The following ADAMTS3 variants were observed in gnomAD, a reference collection of about 807,000 sequenced individuals.
ADAMTS3 encodes the protein A disintegrin and metalloproteinase with thrombospondin motifs 3.
Under a neutral mutation model 129.0 loss-of-function variants are expected in ADAMTS3, and 73 were observed. The ratio of observed to expected loss-of-function variants is 0.57; its 90% CI spans 0.47 to 0.69. The LOEUF (loss-of-function observed/expected upper bound fraction) is 0.69, where lower values mean the gene tolerates loss of function less well. Ranked by LOEUF, ADAMTS3 falls within the 30% of genes least tolerant of loss-of-function variation. ADAMTS3 has a pLI of 0.00. For missense variants in ADAMTS3, 1,457 were observed against 1,514.5 expected (o/e 0.96, Z 0.63); for synonymous variants, 477 against 510.8 (o/e 0.93, Z 0.89).
At chr4:72,298,777 G>A (rs986404420) in intron 17 of ADAMTS3, among the ~76,000 whole-genome samples, 2 of 151,264 alleles carry the variant, frequency 1.3e-5, no homozygotes, top group Admixed American at 1.3e-4. Context: ...ACTTTTAAGT[G>A]TAAAGAATTA....
chr4:72,479,967 G>C (rs1368604761), intron 3 of ADAMTS3, among the ~76,000 whole-genome samples: 2 of 152,120 alleles, frequency 1.3e-5, no homozygotes, highest in Non-Finnish European at 2.9e-5. Flanking sequence ...CTGGCCATCA[G>C]AGAAATGCAA....
intron 3 of ADAMTS3, among the ~76,000 whole-genome samples, chr4:72,424,390 C>A (rs73827093): frequency 6.6e-6 from 1 of 151,912 alleles, no homozygotes; most frequent in African/African-American, 2.4e-5. Context: ...AAAATACAGG[C>A]GGCAAAAAAT....
chr4:72,286,904 GGAGAAA>G (rs1718520320), intron 21 of ADAMTS3, among the ~76,000 whole-genome samples: 2 of 152,090 alleles, frequency 1.3e-5, no homozygotes, highest in South Asian at 4.2e-4. Flanking sequence ...AAAGATAGGA[GGAGAAA>G]GAGACAGACA....
chr4:72,288,109 A>G (rs1029007383), intron 21 of ADAMTS3, among the ~76,000 whole-genome samples: 1 of 152,110 alleles, frequency 6.6e-6, no homozygotes, highest in African/African-American at 2.4e-5. Flanking sequence ...CAGGTGATTC[A>G]CCCACCTTGG....
intron 3 of ADAMTS3, among the ~76,000 whole-genome samples, chr4:72,506,338 A>G (rs1190689811): frequency 6.6e-6 from 1 of 152,194 alleles, no homozygotes; most frequent in African/African-American, 2.4e-5. Flanking sequence ...GACCAGATCC[A>G]GGTTGTCAAG....
At chr4:72,385,575 C>T (rs1721424943) in intron 4 of ADAMTS3, among the ~76,000 whole-genome samples, 1 of 151,826 alleles carries the variant, frequency 6.6e-6, no homozygotes, top group Non-Finnish European at 1.5e-5. Flanking sequence ...GCTAGCTAGG[C>T]CAAACTATAT....
intron 3 of ADAMTS3, among the ~76,000 whole-genome samples, chr4:72,418,226 C>T (rs1297124417): frequency 6.6e-6 from 1 of 152,018 alleles, no homozygotes; most frequent in South Asian, 2.1e-4. Flanking sequence ...TCTATTTCAA[C>T]TGAAATGTTC....
In ADAMTS3 at chr4:72,283,022, A is replaced by T; in HGVS notation, c.*114T>A. The T allele has an allele frequency of 1.1e-6, 1 of 912,554 alleles. No individual in the cohort carries two copies. Among genetic ancestry groups the T allele is most frequent in the Non-Finnish European group, 1.7e-6 (1 of 603,966 alleles). 56.5% of individuals were successfully genotyped at this position (912,554 alleles called of 1,614,324 possible). A position where few individuals can be genotyped will look rare whatever the true frequency, so the allele number is the denominator to read the frequency against. On this transcript the variant is annotated 3_prime_UTR_variant, in exon 22 of 22. Transcript: ENST00000286657. ...GCACTTTCTGTTCTTCCAATTACAG[A>T]TAAAATGAGCTGACGATCTATAGAG...
intron 18 of ADAMTS3, among the ~76,000 whole-genome samples, chr4:72,297,287 A>G (rs1718834342): frequency 6.6e-6 from 1 of 152,130 alleles, no homozygotes; most frequent in South Asian, 2.1e-4. Flanking sequence ...GACAAATATT[A>G]TGACCAAGTA....
At chr4:72,296,864 C>T (rs1718822567) in intron 18 of ADAMTS3, among the ~76,000 whole-genome samples, 1 of 152,062 alleles carries the variant, frequency 6.6e-6, no homozygotes, top group Non-Finnish European at 1.5e-5. Flanking sequence ...ATGTCTCCAG[C>T]CTCCATCAAT....
rs374979020 is a variant in ADAMTS3 at position 72,295,730 on chromosome 4, G to A, written c.2647C>T (p.Arg883Cys). The A allele has an allele frequency of 7.7e-5, 124 of 1,612,904 alleles. No individual in the cohort carries two copies. The highest frequency in any genetic ancestry group is 2.7e-4 in the Admixed American group (16 of 59,954). ...TTTTTGTTGGCCTCACAGAAGCTGC[G>A]ATGGACCATTTTATTATCACTTTTC... ...RRKSDNKMVH[R>C]SFCEANKKPK... is the part of the protein sequence containing the mutation. Residue 883 changes from arginine to cysteine, a missense_variant, in exon 19 of 22, where the codon CGC (arginine) becomes TGC (cysteine). Arg to Cys is a radical substitution (Grantham distance 180). Transcript: ENST00000286657.
intron 4 of ADAMTS3, among the ~76,000 whole-genome samples, chr4:72,414,135 A>C (rs1009595705): frequency 6.6e-6 from 1 of 151,928 alleles, no homozygotes. Flanking sequence ...GGTTAAAAAA[A>C]AAATAGATTC....
At chr4:72,357,552 T>C (rs1720612073) in intron 4 of ADAMTS3, among the ~76,000 whole-genome samples, 1 of 151,874 alleles carries the variant, frequency 6.6e-6, no homozygotes. Flanking sequence ...ATTTCTATTA[T>C]TTACATATAC....
intron 17 of ADAMTS3, among the ~76,000 whole-genome samples, chr4:72,300,631 T>G (rs1213356212): frequency 6.6e-6 from 1 of 152,126 alleles, no homozygotes; most frequent in African/African-American, 2.4e-5. Context: ...CAAATAGTGC[T>G]AAAACAACTG....
intron 3 of ADAMTS3, among the ~76,000 whole-genome samples, chr4:72,526,733 CATATATAT>C (rs36097990): frequency 0.033 from 3,297 of 98,758 alleles, 65 homozygotes; most frequent in Middle Eastern, 0.063. Flanking sequence ...TATATACATA[CATATATAT>C]ATATATATAT....
intron 21 of ADAMTS3, among the ~76,000 whole-genome samples, chr4:72,285,057 T>C (rs1718466806): frequency 6.6e-6 from 1 of 152,230 alleles, no homozygotes; most frequent in South Asian, 2.1e-4. Flanking sequence ...CAGCCTATTA[T>C]TGGGTAATAC....
chr4:72,341,761 A>C (rs575368927), intron 4 of ADAMTS3, among the ~76,000 whole-genome samples: 1 of 152,314 alleles, frequency 6.6e-6, no homozygotes, highest in Non-Finnish European at 1.5e-5. Context: ...AGCCTCTTTA[A>C]ATAGGTAGTT....
intron 4 of ADAMTS3, among the ~76,000 whole-genome samples, chr4:72,405,780 A>G (rs886733196): frequency 2.0e-5 from 3 of 152,166 alleles, no homozygotes; most frequent in African/African-American, 7.2e-5. Context: ...TTCAAGGCCA[A>G]GTCTCAGATG....
intron 5 of ADAMTS3, among the ~76,000 whole-genome samples, chr4:72,328,183 C>A (rs1719746607): frequency 6.6e-6 from 1 of 152,110 alleles, no homozygotes; most frequent in Non-Finnish European, 1.5e-5. Flanking sequence ...AGCCTAGAGT[C>A]TTTATTAAAT....
Sources: allele counts gnomAD v4.1 joint callset (sites outside exome capture counted in the v4.1 genomes callset), GRCh38; gene constraint gnomAD v4.1.1; transcripts MANE v1.5; gene names NCBI Gene and HGNC (gene_info 2026-07-23, HGNC 2026-07-21).